SUGCT: variants seen among roughly 807,000 people sequenced by gnomAD.
The protein encoded by SUGCT is succinyl-CoA:glutarate-CoA transferase, also known as succinyl-CoA:glutarate CoA-transferase.
A neutral mutation model predicts 55.0 loss-of-function variants in SUGCT; 41 were observed. That is an observed-to-expected ratio of 0.74 (90% CI 0.58 to 0.97). SUGCT has a LOEUF of 0.97. SUGCT is among the 50% of genes least tolerant of loss of function. SUGCT has a pLI of 0.00. For synonymous variants in SUGCT, 187 were observed against 200.4 expected (o/e 0.93, Z 0.56); for missense variants, 568 against 547.8 (o/e 1.04, Z -0.37).
At chr7:40,996,541 T>A in the SUGCT span, among the ~76,000 whole-genome samples, 1 of 152,158 alleles carries the variant, frequency 6.6e-6, no homozygotes, top group African/African-American at 2.4e-5. Context: ...TGAAGCCAAG[T>A]CTAGACAGAA....
chr7:40,514,566 C>T (rs1276813682), intron 12 of SUGCT, among the ~76,000 whole-genome samples: 1 of 151,768 alleles, frequency 6.6e-6, no homozygotes, highest in South Asian at 2.1e-4. Context: ...AAAAATTAGC[C>T]GTGTGTGGTG....
intron 12 of SUGCT, among the ~76,000 whole-genome samples, chr7:40,675,146 C>T (rs191960337): frequency 4.6e-5 from 7 of 151,470 alleles, no homozygotes; most frequent in East Asian, 1.9e-4. Flanking sequence ...CTGCAACCTC[C>T]GCCTCTTGGG....
At chr7:40,412,364 C>T (rs1333258090) in intron 9 of SUGCT, among the ~76,000 whole-genome samples, 1 of 152,204 alleles carries the variant, frequency 6.6e-6, no homozygotes, top group South Asian at 2.1e-4. Flanking sequence ...TAGGAACTAA[C>T]ATTTCTTGGT....
chr7:40,177,947 A>C (rs765459971), intron 1 of SUGCT, among the ~76,000 whole-genome samples: 10 of 152,062 alleles, frequency 6.6e-5, no homozygotes, highest in Non-Finnish European at 1.2e-4. Context: ...ATGGGGTTTC[A>C]CCATTATTGG....
intron 9 of SUGCT, among the ~76,000 whole-genome samples, chr7:40,401,492 T>C (rs1786064493): frequency 6.6e-6 from 1 of 152,148 alleles, no homozygotes; most frequent in Non-Finnish European, 1.5e-5. Flanking sequence ...TTTATTTACG[T>C]AGGCAAGACA....
At chr7:40,415,062 ATCTATCTATCT>A (rs1289940983) in intron 9 of SUGCT, among the ~76,000 whole-genome samples, 40 of 14,818 alleles carry the variant, frequency 2.7e-3, no homozygotes, top group African/African-American at 6.3e-3. Flanking sequence ...AAAAAAAAAA[ATCTATCTATCT>A]ATCTATCTAT....
rs1186102047 is a variant in SUGCT at position 40,634,933 on chromosome 7, AAGACTCT to A, written c.1090-114499_1090-114493del. 1.8e-4 allele frequency among the ~76,000 whole-genome samples: 28 copies of A among 152,338 alleles called. No individual in the cohort carries two copies. The East Asian group carries it at 5.4e-3, about 29-fold the overall frequency. On this transcript the variant is annotated intron_variant, in intron 12 of 13. Coordinates refer to ENST00000335693, the MANE Select transcript of SUGCT (RefSeq NM_001193313.2). ...TTTCATACAGTTTAAATGTTTGAAAAAGACTCTAATTAGGAGAATAAATAATAGATCG... is the reference window on the plus strand; with the variant it reads ...TTTCATACAGTTTAAATGTTTGAAAAAATTAGGAGAATAAATAATAGATCG...
intron 9 of SUGCT, among the ~76,000 whole-genome samples, chr7:40,361,703 G>A (rs960445800): frequency 1.3e-5 from 2 of 152,118 alleles, no homozygotes; most frequent in African/African-American, 4.8e-5. Context: ...GTAGTGTTTT[G>A]GTATTTCGAT....
the SUGCT span, among the ~76,000 whole-genome samples, chr7:40,983,125 G>A: frequency 6.6e-6 from 1 of 152,150 alleles, no homozygotes; most frequent in Non-Finnish European, 1.5e-5. Context: ...GTGTTTTAAC[G>A]TTATTGCCCC....
At chr7:40,924,112 TG>T in the SUGCT span, among the ~76,000 whole-genome samples, 1 of 152,308 alleles carries the variant, frequency 6.6e-6, no homozygotes, top group Non-Finnish European at 1.5e-5. Flanking sequence ...CTAAATCTGG[TG>T]GTGCCTTGAA....
chr7:40,562,315 G>C (rs1470606604), intron 12 of SUGCT, among the ~76,000 whole-genome samples: 1 of 142,836 alleles, frequency 7.0e-6, no homozygotes, highest in Admixed American at 6.9e-5. Context: ...AAAAAAAAAA[G>C]GTGAATGCCA....
At chr7:40,975,874 A>G in the SUGCT span, among the ~76,000 whole-genome samples, 2 of 152,236 alleles carry the variant, frequency 1.3e-5, no homozygotes, top group Admixed American at 1.3e-4. Context: ...AGAATGCCAA[A>G]CAAGACTTGG....
At chr7:40,551,108 G>T (rs1018595671) in intron 12 of SUGCT, among the ~76,000 whole-genome samples, 1 of 152,142 alleles carries the variant, frequency 6.6e-6, no homozygotes, top group Admixed American at 6.5e-5. Flanking sequence ...CTGTATTCAA[G>T]TGGGCATGCT....
At chr7:40,364,143 C>CT (rs1562715786) in intron 9 of SUGCT, among the ~76,000 whole-genome samples, 1 of 151,454 alleles carries the variant, frequency 6.6e-6, no homozygotes, top group South Asian at 2.1e-4. Context: ...AAACCCCTGC[C>CT]TTTTTTTGTT....
chr7:40,569,125 T>C (rs183428849), intron 12 of SUGCT, among the ~76,000 whole-genome samples: 94 of 152,342 alleles, frequency 6.2e-4, no homozygotes, highest in Middle Eastern at 3.4e-3. Context: ...TGCACATATA[T>C]GCTGCCAAGG....
At chr7:40,234,275 GC>G (rs1487592504) in intron 6 of SUGCT, among the ~76,000 whole-genome samples, 2 of 152,174 alleles carry the variant, frequency 1.3e-5, no homozygotes, top group African/African-American at 4.8e-5. Context: ...CAGTGCACAG[GC>G]CTTCCTGCCG....
intron 12 of SUGCT, among the ~76,000 whole-genome samples, chr7:40,740,161 T>G: frequency 6.6e-6 from 1 of 152,226 alleles, no homozygotes; most frequent in South Asian, 2.1e-4. Context: ...TCATTTTATT[T>G]TTAGTGACTA....
At chr7:40,240,111 G>A (rs1338854734) in intron 7 of SUGCT, among the ~76,000 whole-genome samples, 1 of 152,126 alleles carries the variant, frequency 6.6e-6, no homozygotes, top group East Asian at 1.9e-4. Context: ...ATAAATAACA[G>A]TGTGCCTCAG....
chr7:40,203,180 G>A (rs1786713146), intron 6 of SUGCT, among the ~76,000 whole-genome samples: 1 of 152,142 alleles, frequency 6.6e-6, no homozygotes, highest in Non-Finnish European at 1.5e-5. Context: ...TCTTTCCAAG[G>A]AAATTCAGCT....
Sources: gnomAD v4.1 joint callset for allele counts (sites outside exome capture counted in the v4.1 genomes callset) on GRCh38, gnomAD v4.1.1 for gene constraint, MANE v1.5 for transcripts, NCBI Gene and HGNC (gene_info 2026-07-23, HGNC 2026-07-21) for gene names.